The following TUBGCP5 variants were observed in gnomAD, a reference collection of about 807,000 sequenced individuals.
TUBGCP5 encodes the protein gamma-tubulin complex component 5.
In TUBGCP5, 98 loss-of-function variants were observed where a neutral mutation model predicts 134.7. The ratio of observed to expected loss-of-function variants is 0.73; its 90% CI spans 0.62 to 0.86. The LOEUF (loss-of-function observed/expected upper bound fraction) is 0.86, where lower values mean the gene tolerates loss of function less well. Ranked by LOEUF, TUBGCP5 falls within the 40% of genes least tolerant of loss-of-function variation. The pLI, the probability that TUBGCP5 is intolerant of heterozygous loss-of-function variation, is 0.00. For synonymous variants in TUBGCP5, 456 were observed against 431.4 expected, an observed-to-expected ratio of 1.06 and a Z score of -0.71; for missense variants, 1,150 against 1,244.8, an observed-to-expected ratio of 0.92 and a Z score of 1.15.
intron 20 of TUBGCP5, among the ~76,000 whole-genome samples, chr15:23,003,552 CAG>C (rs1263187211): frequency 6.6e-6 from 1 of 151,528 alleles, no homozygotes; most frequent in Non-Finnish European, 1.5e-5. Context: ...AAGAGTAACG[CAG>C]AGTGAGTGTT....
chr15:22,990,557 G>GCT (rs2063816381), intron 23 of TUBGCP5, among the ~76,000 whole-genome samples: 1 of 152,174 alleles, frequency 6.6e-6, no homozygotes, highest in Non-Finnish European at 1.5e-5. Context: ...AACACAGCAT[G>GCT]CATTTTTGGA....
intron 11 of TUBGCP5, among the ~76,000 whole-genome samples, chr15:23,019,718 A>C (rs1324365303): frequency 6.6e-6 from 1 of 151,886 alleles, no homozygotes; most frequent in Non-Finnish European, 1.5e-5. Context: ...AATTGCTTGA[A>C]TCTGGCAGGT....
At chr15:23,004,661 T>TA (rs542643440) in intron 19 of TUBGCP5, 22 of 154,630 alleles carry the variant, frequency 1.4e-4, no homozygotes, top group African/African-American at 5.3e-4. Context: ...ATACCTCAAA[T>TA]AAAAAACAAA....
At chr15:23,002,319 T>A (rs2064435124) in intron 21 of TUBGCP5, among the ~76,000 whole-genome samples, 1 of 152,208 alleles carries the variant, frequency 6.6e-6, no homozygotes, top group South Asian at 2.1e-4. Context: ...AATGAATTCT[T>A]ACTTCCTTAC....
At chr15:23,019,669 C>A (rs1028550846) in intron 11 of TUBGCP5, among the ~76,000 whole-genome samples, 1 of 151,808 alleles carries the variant, frequency 6.6e-6, no homozygotes, top group African/African-American at 2.4e-5. Context: ...TGGTGACACG[C>A]GCCTGTAGTC....
intron 21 of TUBGCP5, among the ~76,000 whole-genome samples, chr15:23,001,408 C>T (rs1381248012): frequency 3.3e-5 from 5 of 151,214 alleles, no homozygotes; most frequent in Non-Finnish European, 2.9e-5. Context: ...GTAGCGATCT[C>T]GGCTCACCAC....
At chr15:23,022,307 A>C in intron 10 of TUBGCP5, 146 bp from the exon 11 acceptor site, 1 of 755,928 alleles carries the variant, frequency 1.3e-6, no homozygotes, top group Non-Finnish European at 2.2e-6. Flanking sequence ...ACAAGGACCT[A>C]ATTTCCCTAA....
At chr15:22,986,083 G>A (rs1328140818) in intron 23 of TUBGCP5, among the ~76,000 whole-genome samples, 5 of 133,156 alleles carry the variant, frequency 3.8e-5, no homozygotes, top group African/African-American at 1.1e-4. Flanking sequence ...GCAGTGAGCC[G>A]AGGTCACGCC....
At chr15:23,003,987 TCTTC>T (rs2064551053) in intron 20 of TUBGCP5, 111 bp downstream of exon 20, 3 of 1,352,748 alleles carry the variant, frequency 2.2e-6, no homozygotes, top group Non-Finnish European at 2.9e-6. Flanking sequence ...TTCATCTGGT[TCTTC>T]CTTAAAGAAT....
intron 23 of TUBGCP5, among the ~76,000 whole-genome samples, chr15:22,984,034 C>A (rs2063608972): frequency 6.6e-6 from 1 of 151,870 alleles, no homozygotes; most frequent in African/African-American, 2.4e-5. Flanking sequence ...GCAGGAGAAT[C>A]ACTTGAACCC....
At chr15:23,007,898 GC>G (rs2064818025) in intron 16 of TUBGCP5, among the ~76,000 whole-genome samples, 1 of 152,082 alleles carries the variant, frequency 6.6e-6, no homozygotes, top group African/African-American at 2.4e-5. Context: ...AGGGAGTGAG[GC>G]TGAGAGACAC....
chr15:23,029,841 A>C (rs1199825126), intron 6 of TUBGCP5, among the ~76,000 whole-genome samples: 2 of 151,884 alleles, frequency 1.3e-5, no homozygotes, highest in Non-Finnish European at 2.9e-5. Flanking sequence ...AGATCATGCT[A>C]CTGTACCATA....
intron 12 of TUBGCP5, 27 bp downstream of exon 12, chr15:23,019,192 G>C: frequency 6.5e-7 from 1 of 1,549,628 alleles, no homozygotes; most frequent in Non-Finnish European, 8.9e-7. Context: ...CCAGCCCCCA[G>C]TGACCTTGTG....
chr15:23,009,090 T>C (rs1269957831), intron 15 of TUBGCP5, among the ~76,000 whole-genome samples: 4 of 152,022 alleles, frequency 2.6e-5, no homozygotes, highest in Non-Finnish European at 5.9e-5. Context: ...TTATCTTCTA[T>C]AACATTATAG....
intron 14 of TUBGCP5, among the ~76,000 whole-genome samples, chr15:23,010,624 C>T (rs575727627): frequency 4.5e-4 from 68 of 152,070 alleles, no homozygotes; most frequent in Non-Finnish European, 9.3e-4. Context: ...CTTCCACAAA[C>T]GACATGGAAT....
At chr15:22,987,242 G>A (rs752768697) in intron 23 of TUBGCP5, among the ~76,000 whole-genome samples, 2 of 151,592 alleles carry the variant, frequency 1.3e-5, no homozygotes, top group Non-Finnish European at 2.9e-5. Flanking sequence ...GCTGAGGCAG[G>A]AGAATCACTT....
At position 23,008,604 on chromosome 15, in the gene TUBGCP5, A is replaced by G. The variant is rs773286615; in HGVS notation, c.2327+95T>C. 3.6e-4 allele frequency: 499 copies of G among 1,380,156 alleles called. 2 individuals carry two copies. Among genetic ancestry groups the G allele is most frequent in the Non-Finnish European group, 4.8e-4 (471 of 974,958 alleles). 85.5% of individuals were successfully genotyped at this position (1,380,156 alleles called of 1,614,324 possible). ...TAATATTAGTAAAACTCATAGGAAT[A>G]GTGAGGATAAAATAATATGTGTAAT... On this transcript the variant is annotated intron_variant, in intron 16 of 22. Transcript: ENST00000615383.
In TUBGCP5 at chr15:23,011,248, C is replaced by T. The variant is rs762080027; in HGVS notation, c.1840G>A (p.Val614Ile). The change falls in exon 14 of 23, where the codon GTT becomes ATT. Residue 614 changes from valine to isoleucine, a missense_variant. By Grantham distance (29) the Val-to-Ile change is conservative. Around this residue, in one of 2 missense-constraint regions of TUBGCP5, gnomAD observed 697 missense variants for 850.1 expected, o/e 0.82. Transcript: ENST00000615383. ...TTGGTTGCCTGTTGCTCAGTAAGAA[C>T]CTGTGGAGTGGAATCTTCTCCATGT... ...LRHGEDSTPQ[V>I]LTEQQATKEN... 4 of 1,613,848 alleles carry T rather than the reference C, an allele frequency of 2.5e-6. No homozygotes were observed. The Admixed American group carries it at 5.0e-5, about 20-fold the overall frequency.
intron 18 of TUBGCP5, 148 bp from the exon 19 acceptor site, chr15:23,005,758 T>A: frequency 1.2e-6 from 1 of 839,140 alleles, no homozygotes; most frequent in Non-Finnish European, 1.8e-6. Flanking sequence ...CCTCAGTGCC[T>A]CTGGAAGGTG....
Sources: gnomAD v4.1 joint callset for allele counts (sites outside exome capture counted in the v4.1 genomes callset) on GRCh38, gnomAD v4.1.1 for gene constraint, gnomAD v4.1.1 regional missense constraint, MANE v1.5 for transcripts, NCBI Gene and HGNC (gene_info 2026-07-23, HGNC 2026-07-21) for gene names.